PABPC4L: variants seen among roughly 807,000 people sequenced by gnomAD.
PABPC4L encodes polyadenylate-binding protein 4-like.
For synonymous variants in PABPC4L, 169 were observed against 164.1 expected, an observed-to-expected ratio of 1.03 and a Z score of -0.23; for missense variants, 452 against 451.4, an observed-to-expected ratio of 1.00 and a Z score of -0.01.
the PABPC4L span, among the ~76,000 whole-genome samples, chr4:133,980,914 T>C: frequency 1.3e-5 from 2 of 152,112 alleles, no homozygotes; most frequent in East Asian, 1.9e-4. Flanking sequence ...TCCCAAAACT[T>C]TGGGAGGCCG....
At chr4:134,034,149 A>G in the PABPC4L span, among the ~76,000 whole-genome samples, 1 of 151,962 alleles carries the variant, frequency 6.6e-6, no homozygotes, top group African/African-American at 2.4e-5. Flanking sequence ...CTTAAGAATT[A>G]TGCAAAGTCT....
At chr4:134,112,528 A>G in the PABPC4L span, among the ~76,000 whole-genome samples, 1 of 151,852 alleles carries the variant, frequency 6.6e-6, no homozygotes, top group Admixed American at 6.6e-5. Flanking sequence ...TTACTGCAAA[A>G]AACAACTGGA....
the PABPC4L span, among the ~76,000 whole-genome samples, chr4:134,078,894 C>T: frequency 0.019 from 2,906 of 149,088 alleles, 50 homozygotes; most frequent in Non-Finnish European, 0.029. Context: ...TCTCAAACTT[C>T]GGACCTCAGG....
chr4:133,961,346 A>C, the PABPC4L span, among the ~76,000 whole-genome samples: 1 of 151,278 alleles, frequency 6.6e-6, no homozygotes. Flanking sequence ...AGTGAGAGAC[A>C]GGACTAGCTG....
At chr4:134,017,339 C>T in the PABPC4L span, among the ~76,000 whole-genome samples, 3 of 152,160 alleles carry the variant, frequency 2.0e-5, no homozygotes, top group African/African-American at 7.2e-5. Flanking sequence ...TGTTTAGATG[C>T]TCCTTTTTAT....
chr4:134,013,847 T>C, the PABPC4L span, among the ~76,000 whole-genome samples: 13 of 151,956 alleles, frequency 8.6e-5, 1 homozygote, highest in South Asian at 2.7e-3. Context: ...GAGATAGGTC[T>C]CAATTCTTCC....
chr4:133,983,130 A>G, the PABPC4L span, among the ~76,000 whole-genome samples: 1 of 151,926 alleles, frequency 6.6e-6, no homozygotes, highest in African/African-American at 2.4e-5. Flanking sequence ...ACTCAAAGAA[A>G]TTAGTTGTGT....
At chr4:134,075,509 A>T in the PABPC4L span, among the ~76,000 whole-genome samples, 1 of 152,188 alleles carries the variant, frequency 6.6e-6, no homozygotes, top group African/African-American at 2.4e-5. Context: ...AGTAATGAGT[A>T]TCATTAATTA....
chr4:134,017,047 G>A, the PABPC4L span, among the ~76,000 whole-genome samples: 4 of 152,084 alleles, frequency 2.6e-5, no homozygotes, highest in Admixed American at 6.6e-5. Flanking sequence ...ATAATTCCTC[G>A]GTTTGGCCTT....
At chr4:134,103,567 C>A in the PABPC4L span, among the ~76,000 whole-genome samples, 1 of 151,618 alleles carries the variant, frequency 6.6e-6, no homozygotes, top group South Asian at 2.1e-4. Context: ...TATGACCTCA[C>A]TTAAAATGTA....
chr4:134,183,805 T>C, the PABPC4L span, among the ~76,000 whole-genome samples: 1 of 151,758 alleles, frequency 6.6e-6, no homozygotes, highest in Non-Finnish European at 1.5e-5. Flanking sequence ...AGAAGACCAA[T>C]AAATTGATAT....
At chr4:134,037,263 C>A in the PABPC4L span, among the ~76,000 whole-genome samples, 1 of 151,916 alleles carries the variant, frequency 6.6e-6, no homozygotes, top group African/African-American at 2.4e-5. Context: ...GATATTGACC[C>A]TTTACATCCG....
the PABPC4L span, among the ~76,000 whole-genome samples, chr4:134,065,973 G>A: frequency 6.6e-6 from 1 of 152,010 alleles, no homozygotes; most frequent in Non-Finnish European, 1.5e-5. Context: ...TGGTCTATGT[G>A]TCTGTTTTTG....
chr4:134,064,199 A>G, the PABPC4L span, among the ~76,000 whole-genome samples: 6 of 152,090 alleles, frequency 3.9e-5, no homozygotes, highest in South Asian at 4.1e-4. Context: ...TCCAGATTAG[A>G]AGTTGCCCTT....
the PABPC4L span, among the ~76,000 whole-genome samples, chr4:134,038,917 A>C: frequency 6.6e-6 from 1 of 152,080 alleles, no homozygotes; most frequent in South Asian, 2.1e-4. Context: ...GTGATGCTAG[A>C]ATGTCGATTT....
At chr4:134,047,738 C>T in the PABPC4L span, among the ~76,000 whole-genome samples, 1 of 151,584 alleles carries the variant, frequency 6.6e-6, no homozygotes, top group Non-Finnish European at 1.5e-5. Flanking sequence ...GTAGCATAGC[C>T]AGTCATAGTG....
the PABPC4L span, among the ~76,000 whole-genome samples, chr4:134,051,286 A>T: frequency 1.3e-5 from 2 of 152,280 alleles, no homozygotes; most frequent in Admixed American, 6.5e-5. Context: ...TGCCCATCGA[A>T]ATTAATCTCA....
chr4:134,156,345 A>C, the PABPC4L span, among the ~76,000 whole-genome samples: 1 of 151,918 alleles, frequency 6.6e-6, no homozygotes, highest in African/African-American at 2.4e-5. Context: ...ATAAGGGAAA[A>C]CATTTTCTTT....
chr4:133,952,414 G>A, the PABPC4L span, among the ~76,000 whole-genome samples: 1 of 152,096 alleles, frequency 6.6e-6, no homozygotes, highest in Admixed American at 6.6e-5. Flanking sequence ...GGCACCACAG[G>A]ATGGTGAGTT....
Sources: allele counts gnomAD v4.1 joint callset (sites outside exome capture counted in the v4.1 genomes callset), GRCh38; gene constraint gnomAD v4.1.1; transcripts MANE v1.5; gene names NCBI Gene and HGNC (gene_info 2026-07-23, HGNC 2026-07-21).